CLMN: variants seen among roughly 807,000 people sequenced by gnomAD.
CLMN encodes calmin.
In CLMN, 57 loss-of-function variants were observed where a neutral mutation model predicts 92.7. That is an observed-to-expected ratio of 0.61 (90% confidence interval 0.50 to 0.77). The LOEUF is 0.77. Ranked by LOEUF, CLMN falls within the 30% of genes least tolerant of loss-of-function variation. The pLI, the probability that CLMN is intolerant of heterozygous loss-of-function variation, is 0.00. For synonymous variants in CLMN, 466 were observed against 470.6 expected (o/e 0.99, Z 0.13); for missense variants, 1,158 against 1,237.5 (o/e 0.94, Z 0.96).
At chr14:95,226,654 G>A (rs1566879352) in intron 2 of CLMN, among the ~76,000 whole-genome samples, 1 of 151,932 alleles carries the variant, frequency 6.6e-6, no homozygotes. Context: ...ACGGTTCACT[G>A]CAGTCTCAAA....
At chr14:95,293,826 C>G (rs1488943424) in intron 1 of CLMN, among the ~76,000 whole-genome samples, 3 of 152,208 alleles carry the variant, frequency 2.0e-5, no homozygotes, top group Non-Finnish European at 4.4e-5. Flanking sequence ...GACCATCACA[C>G]AAACCTGCAG....
chr14:95,242,779 A>G (rs12884114), intron 1 of CLMN, among the ~76,000 whole-genome samples: 117,273 of 151,430 alleles, frequency 0.77, 47,144 homozygotes, highest in Middle Eastern at 0.89. Context: ...ATATAGGCCA[A>G]GATGGTCTCG....
At chr14:95,252,075 G>A (rs953785497) in intron 1 of CLMN, among the ~76,000 whole-genome samples, 58 of 152,314 alleles carry the variant, frequency 3.8e-4, no homozygotes, top group African/African-American at 1.2e-3. Flanking sequence ...GCCCAAGACC[G>A]TGGACTCGGG....
Position 95,203,594 on chromosome 14 carries a change from T to C in CLMN, c.1755A>G (p.Ser585=). ...STSQAFNKVP[S]PHETKPDEDA... is the part of the protein sequence containing the mutation. The stretch of plus-strand genomic sequence containing the variant: ...CCTCGTCAGGTTTTGTCTCATGAGG[T>C]GAAGGAACTTTGTTGAAAGCCTGGC... The change falls in exon 9 of 13, where the codon TCA becomes TCG. Residue 585 remains serine, a synonymous_variant. Transcript: ENST00000298912. The C allele has an allele frequency of 1.2e-6, 2 of 1,614,106 alleles. No homozygotes were observed. Among genetic ancestry groups the C allele is most frequent in the African/African-American group, 2.7e-5 (2 of 75,008 alleles).
intron 10 of CLMN, 50 bp downstream of exon 10, chr14:95,196,448 C>G (rs751704935): frequency 1.9e-6 from 3 of 1,557,544 alleles, no homozygotes. Flanking sequence ...GCAAATAACT[C>G]TCTAACTCTC....
rs1384716272 is a variant in CLMN, at chr14:95,319,777, A to C, written c.16T>G (p.Trp6Gly). Residue 6 changes from tryptophan (W) to glycine (G), a missense_variant, in exon 1 of 13, where the codon TGG becomes GGG. Transcript: ENST00000298912. The part of the protein sequence containing the change: MAAHE[W>G]DWFQREELIG... Reference sequence around the variant, plus strand: ...AGCTCCTCGCGTTGGAACCAGTCCCACTCGTGTGCAGCCATGAAGCGCGGG... The same window carrying C: ...AGCTCCTCGCGTTGGAACCAGTCCCCCTCGTGTGCAGCCATGAAGCGCGGG... The C allele has an allele frequency of 6.3e-7, 1 of 1,585,770 alleles. No homozygotes were observed. Among genetic ancestry groups the C allele is most frequent in the South Asian group, 1.1e-5 (1 of 89,810 alleles).
Position 95,204,179 on chromosome 14 carries a change from C to G in CLMN, c.1170G>C (p.Gly390=), listed in dbSNP as rs776214652. The G allele has an allele frequency of 1.9e-6, 3 of 1,614,066 alleles. No homozygotes were observed. The change falls in exon 9 of 13, where the codon GGG becomes GGC. Residue 390 remains glycine, a synonymous_variant. Transcript: ENST00000298912. The part of the protein sequence containing the change: ...MHQIIDQVLQ[G]GPGKTSDISE... ...TGATGTCGCTGGTCTTACCTGGGCCCCCTTGCAGGACCTGGTCAATAATCT... is the reference window on the plus strand; with the variant it reads ...TGATGTCGCTGGTCTTACCTGGGCCGCCTTGCAGGACCTGGTCAATAATCT...
chr14:95,292,618 C>T (rs529330573), intron 1 of CLMN, among the ~76,000 whole-genome samples: 7 of 152,108 alleles, frequency 4.6e-5, no homozygotes, highest in African/African-American at 9.7e-5. Flanking sequence ...TGCACACTCA[C>T]GGGGACCGAC....
rs1311475848 is a variant in CLMN at position 95,259,338 on chromosome 14, C to T, written c.83-29205G>A. Among the ~76,000 whole-genome samples, 1 of 152,074 alleles carries T rather than the reference C, an allele frequency of 6.6e-6. No homozygotes were observed. The highest frequency in any genetic ancestry group is 6.6e-5 in the Admixed American group (1 of 15,266). On this transcript the variant is annotated intron_variant, in intron 1 of 12. Coordinates refer to ENST00000298912, the MANE Select transcript of CLMN (RefSeq NM_024734.4). The surrounding 1 kb of genome is among the most constrained non-coding windows in gnomAD (Gnocchi z 4.3). Reference sequence around the variant, plus strand: ...GACAGAGCTGACAGCAGGCTGGACCCTGGCCGTCCACTGGCTCCCCACTCA... The same window carrying T: ...GACAGAGCTGACAGCAGGCTGGACCTTGGCCGTCCACTGGCTCCCCACTCA...
At chr14:95,215,779 G>A (rs1289390238) in intron 4 of CLMN, 46 bp from the exon 5 acceptor site, 4 of 1,364,682 alleles carry the variant, frequency 2.9e-6, no homozygotes, top group Non-Finnish European at 3.1e-6. Flanking sequence ...GTCCAGGGAG[G>A]ATAACATATG....
chr14:95,218,753 G>A (rs1253054485), intron 4 of CLMN, among the ~76,000 whole-genome samples: 1 of 152,268 alleles, frequency 6.6e-6, no homozygotes, highest in African/African-American at 2.4e-5. Flanking sequence ...GCCCAGTGGG[G>A]CACCAAGCTG....
intron 9 of CLMN, among the ~76,000 whole-genome samples, chr14:95,201,826 G>A (rs985867633): frequency 9.9e-5 from 15 of 151,850 alleles, no homozygotes; most frequent in African/African-American, 2.2e-4. Context: ...GAGGACAAGC[G>A]GTGTTTGGTT....
At chr14:95,260,934 A>T (rs1899226030) in intron 1 of CLMN, among the ~76,000 whole-genome samples, 1 of 152,170 alleles carries the variant, frequency 6.6e-6, no homozygotes, top group African/African-American at 2.4e-5. Context: ...CTCTGGTTAC[A>T]AATTTTTTCC....
intron 1 of CLMN, among the ~76,000 whole-genome samples, chr14:95,258,839 G>A (rs1475607247): frequency 6.8e-6 from 1 of 147,780 alleles, no homozygotes; most frequent in African/African-American, 2.5e-5. Context: ...TGTGGTATGT[G>A]TATGTATCTG....
chr14:95,240,571 C>G (rs1008275248), intron 1 of CLMN, among the ~76,000 whole-genome samples: 18 of 152,064 alleles, frequency 1.2e-4, no homozygotes, highest in Non-Finnish European at 1.9e-4. Context: ...GGAGGAATAC[C>G]CTTGCTGGAC....
intron 1 of CLMN, among the ~76,000 whole-genome samples, chr14:95,248,503 C>T (rs1040668045): frequency 6.6e-6 from 1 of 152,188 alleles, no homozygotes; most frequent in East Asian, 1.9e-4. Flanking sequence ...TTACACAGTA[C>T]TGTCCGTTGA....
Position 95,203,842 on chromosome 14 carries a change from A to C in CLMN, c.1507T>G (p.Ser503Ala). Reference sequence around the variant, plus strand: ...GCACCATTACAGGAAGAAGACTGAGAATTATTGTTTGTGCCCTCCACCAAA... The same window carrying C: ...GCACCATTACAGGAAGAAGACTGAGCATTATTGTTTGTGCCCTCCACCAAA... ...IFLVEGTNNN[S>A]QSSSCNGALE... The change falls in exon 9 of 13, where the codon TCT becomes GCT. Residue 503 changes from serine (S) to alanine (A), a missense_variant. Transcript: ENST00000298912. 6.2e-7 allele frequency: 1 copy of C among 1,614,140 alleles called. No homozygotes were observed. Among genetic ancestry groups the C allele is most frequent in the Non-Finnish European group, 8.5e-7 (1 of 1,180,016 alleles).
intron 4 of CLMN, 22 bp from the exon 5 acceptor site, chr14:95,215,755 A>G: frequency 6.3e-7 from 1 of 1,582,480 alleles, no homozygotes; most frequent in Non-Finnish European, 8.7e-7. Flanking sequence ...CAATTTATGA[A>G]CTTAAAGCGA....
At chr14:95,282,522 G>C (rs1237324272) in intron 1 of CLMN, among the ~76,000 whole-genome samples, 1 of 152,206 alleles carries the variant, frequency 6.6e-6, no homozygotes, top group Non-Finnish European at 1.5e-5. Context: ...TGCAGGCTGA[G>C]CTGGTTCAGG....
Sources: gnomAD v4.1 joint callset for allele counts (sites outside exome capture counted in the v4.1 genomes callset) on GRCh38, gnomAD v4.1.1 for gene constraint, Gnocchi (gnomAD v3.1) non-coding constraint, MANE v1.5 for transcripts, NCBI Gene and HGNC (gene_info 2026-07-23, HGNC 2026-07-21) for gene names.